The following CACNA1E variants were observed in gnomAD, a reference collection of about 807,000 sequenced individuals.
CACNA1E encodes calcium voltage-gated channel subunit alpha1 E.
A neutral mutation model predicts 259.2 loss-of-function variants in CACNA1E; 40 were observed. The ratio of observed to expected loss-of-function variants is 0.15; its 90% CI spans 0.12 to 0.20. CACNA1E has a LOEUF of 0.20. CACNA1E is among the 10% of genes least tolerant of loss of function. The pLI is 1.00. For synonymous variants in CACNA1E, 1,104 were observed against 1,138.5 expected (o/e 0.97, Z 0.61); for missense variants, 1,874 against 3,040.1 (o/e 0.62, Z 9.02).
chr1:181,330,105 G>A (rs1025532804), intron 1 of CACNA1E, among the ~76,000 whole-genome samples: 1 of 152,136 alleles, frequency 6.6e-6, no homozygotes, highest in Non-Finnish European at 1.5e-5. Context: ...CCAGCCTCAT[G>A]CTCTCTGTGC....
chr1:181,336,802 T>C (rs936867236), intron 1 of CACNA1E, among the ~76,000 whole-genome samples: 1 of 152,064 alleles, frequency 6.6e-6, no homozygotes. Context: ...GGGTATCTCA[T>C]ATAAGTAACA....
At chr1:181,563,187 C>T (rs545600471) in intron 3 of CACNA1E, among the ~76,000 whole-genome samples, 1 of 152,174 alleles carries the variant, frequency 6.6e-6, no homozygotes, top group Non-Finnish European at 1.5e-5. Context: ...GTCTTCTTTG[C>T]AAGTATGGGG....
At chr1:181,491,286 C>T (rs116828277) in intron 1 of CACNA1E, among the ~76,000 whole-genome samples, 7 of 151,872 alleles carry the variant, frequency 4.6e-5, no homozygotes, top group East Asian at 1.9e-4. Context: ...GCGGTCTGCC[C>T]GTTTCATCTA....
At chr1:181,677,172 G>A (rs550246324) in intron 7 of CACNA1E, among the ~76,000 whole-genome samples, 1 of 152,076 alleles carries the variant, frequency 6.6e-6, no homozygotes, top group South Asian at 2.1e-4. Context: ...CAAAATTCTG[G>A]GGTATACACT....
intron 32 of CACNA1E, among the ~76,000 whole-genome samples, chr1:181,760,480 G>A (rs1000453366): frequency 3.3e-5 from 5 of 151,986 alleles, no homozygotes; most frequent in Non-Finnish European, 5.9e-5. Context: ...GGAAATTGAA[G>A]TTCAGAAAAA....
At chr1:181,514,163 A>G (rs915946244) in intron 3 of CACNA1E, among the ~76,000 whole-genome samples, 5 of 152,206 alleles carry the variant, frequency 3.3e-5, no homozygotes, top group Admixed American at 2.6e-4. Context: ...GCTCTCATCT[A>G]CCACATTGTG....
chr1:181,586,169 G>A (rs1315105391), intron 6 of CACNA1E, among the ~76,000 whole-genome samples: 1 of 152,196 alleles, frequency 6.6e-6, no homozygotes, highest in African/African-American at 2.4e-5. Context: ...ATGAGTTTGG[G>A]AGAAAGCAGC....
chr1:181,624,071 C>T (rs1320886152), intron 6 of CACNA1E, among the ~76,000 whole-genome samples: 1 of 152,160 alleles, frequency 6.6e-6, no homozygotes, highest in Non-Finnish European at 1.5e-5. Flanking sequence ...GGGAGCCTGC[C>T]ACATGGTGAG....
At chr1:181,529,798 C>CA (rs1215676875) in intron 3 of CACNA1E, among the ~76,000 whole-genome samples, 1 of 152,234 alleles carries the variant, frequency 6.6e-6, no homozygotes. Context: ...CCTGTACCTC[C>CA]ATTGTATCTG....
At chr1:181,487,374 G>A (rs1663924171) in intron 1 of CACNA1E, among the ~76,000 whole-genome samples, 1 of 152,126 alleles carries the variant, frequency 6.6e-6, no homozygotes. Flanking sequence ...TAATAGGGGA[G>A]GTCTAGTTCT....
chr1:181,684,926 G>T (rs1650362244), intron 7 of CACNA1E, among the ~76,000 whole-genome samples: 1 of 149,746 alleles, frequency 6.7e-6, no homozygotes. Context: ...AAATAAACAG[G>T]GTAATTCTGA....
At chr1:181,787,111 C>T (rs1240410299) in intron 43 of CACNA1E, among the ~76,000 whole-genome samples, 4 of 151,964 alleles carry the variant, frequency 2.6e-5, no homozygotes, top group African/African-American at 9.7e-5. Context: ...GAAGGGTTTA[C>T]ACTGTTTTTT....
At chr1:181,513,395 G>A (rs1288692529) in intron 3 of CACNA1E, among the ~76,000 whole-genome samples, 1 of 152,224 alleles carries the variant, frequency 6.6e-6, no homozygotes, top group Non-Finnish European at 1.5e-5. Context: ...TGACTGATCA[G>A]CAGTTTGTTA....
intron 3 of CACNA1E, among the ~76,000 whole-genome samples, chr1:181,576,650 A>G (rs913325904): frequency 6.6e-6 from 1 of 152,240 alleles, no homozygotes; most frequent in African/African-American, 2.4e-5. Context: ...AGTTTTCTGA[A>G]TGCCTCATTT....
chr1:181,565,413 TTC>T (rs1273400646), intron 3 of CACNA1E, among the ~76,000 whole-genome samples: 1 of 152,228 alleles, frequency 6.6e-6, no homozygotes, highest in East Asian at 1.9e-4. Context: ...GGCTTTATTT[TTC>T]TCTCTCACTG....
chr1:181,373,894 T>C (rs1458946144), intron 1 of CACNA1E, among the ~76,000 whole-genome samples: 1 of 152,182 alleles, frequency 6.6e-6, no homozygotes, highest in Non-Finnish European at 1.5e-5. Context: ...AAGTCCTCTT[T>C]TTTTCTTTAT....
chr1:181,682,364 A>G (rs1020613150), intron 7 of CACNA1E, among the ~76,000 whole-genome samples: 2 of 152,294 alleles, frequency 1.3e-5, no homozygotes, highest in Non-Finnish European at 2.9e-5. Flanking sequence ...AATGCTGACT[A>G]TCTTCTTGTC....
intron 3 of CACNA1E, among the ~76,000 whole-genome samples, chr1:181,572,589 C>T (rs1422359175): frequency 1.6e-4 from 24 of 152,210 alleles, no homozygotes; most frequent in Admixed American, 1.1e-3. Context: ...AGCTTTCCAC[C>T]GGGCTGTGTG....
intron 3 of CACNA1E, among the ~76,000 whole-genome samples, chr1:181,532,897 A>G (rs1486086913): frequency 1.3e-5 from 2 of 152,212 alleles, no homozygotes; most frequent in Admixed American, 6.5e-5. Context: ...CATTCGCTTT[A>G]TAGGTCTCCC....
Sources: gnomAD v4.1 joint callset for allele counts (sites outside exome capture counted in the v4.1 genomes callset) on GRCh38, gnomAD v4.1.1 for gene constraint, MANE v1.5 for transcripts, NCBI Gene and HGNC (gene_info 2026-07-23, HGNC 2026-07-21) for gene names.